Variants in COL4A3 observed in about 807,000 individuals in gnomAD.
COL4A3 encodes collagen type IV alpha 3 chain.
In COL4A3, 135 loss-of-function variants were observed where a neutral mutation model predicts 217.4. The observed-to-expected ratio is 0.62, with a 90% confidence interval of 0.54 to 0.72. The LOEUF (loss-of-function observed/expected upper bound fraction) is 0.72. COL4A3 is among the 30% of genes least tolerant of loss of function. The pLI is 0.00. For synonymous variants in COL4A3, 690 were observed against 736.3 expected (o/e 0.94, Z 1.02); for missense variants, 1,868 against 2,119.9 (o/e 0.88, Z 2.33).
rs1559819723 is a variant in COL4A3 at position 227,202,862 on chromosome 2, CATATATGTGTATATATACATATGTGT to C, written c.88-35089_88-35064del. Among the ~76,000 whole-genome samples, 72 of 17,196 alleles carry C rather than the reference CATATATGTGTATATATACATATGTGT, an allele frequency of 4.2e-3. 2 individuals are homozygous for C. Among genetic ancestry groups the C allele is most frequent in the African/African-American group, 0.024 (68 of 2,858 alleles). 11.3% of individuals were successfully genotyped at this position (17,196 alleles called of 152,430 possible). A position where few individuals can be genotyped will look rare whatever the true frequency, so the allele number is the denominator to read the frequency against. On this transcript the variant is annotated intron_variant, in intron 1 of 51. Transcript: ENST00000396578. ...GTATATATACATATGTGTATATATA[CATATATGTGTATATATACATATGTGT>C]ATATATGTGTATATATGTGTATATA...
intron 1 of COL4A3, 81 bp from the exon 2 acceptor site, chr2:227,237,887 A>G (rs2068786222): frequency 1.0e-6 from 1 of 994,626 alleles, no homozygotes; most frequent in Non-Finnish European, 1.6e-6. Flanking sequence ...AAGAACAGAG[A>G]AATGCATTTG....
At chr2:227,170,780 T>C (rs899592137) in intron 1 of COL4A3, among the ~76,000 whole-genome samples, 1 of 152,210 alleles carries the variant, frequency 6.6e-6, no homozygotes, top group Admixed American at 6.5e-5. Flanking sequence ...TATGATTTTT[T>C]CTGTAGAGTT....
At chr2:227,199,286 T>C (rs10173214) in intron 1 of COL4A3, among the ~76,000 whole-genome samples, 15,216 of 152,242 alleles carry the variant, frequency 0.1, 1,059 homozygotes, top group Admixed American at 0.15. Context: ...TGAATTTCCT[T>C]GTCTATTTCA....
rs1350835100 is a variant in COL4A3 at position 227,293,316 on chromosome 2, AG to A, written c.3337+1del. The A allele has an allele frequency of 5.0e-6, 8 of 1,613,802 alleles. No homozygotes were observed. Among genetic ancestry groups the A allele is most frequent in the Non-Finnish European group, 6.8e-6 (8 of 1,179,984 alleles). On this transcript the variant is annotated frameshift_variant and splice_region_variant, in exon 38 of 52. Transcript: ENST00000396578. LOFTEE classifies it high-confidence loss of function. The stretch of plus-strand genomic sequence containing the variant: ...GAAGTCCTGGAAGTCCTGGCCTCCC[AG>A]GTAAGGCTTGAGTTTACAATTCTAA... ...PGSPGSPGLPGKPGPHGDLGF... is the reference protein window; with the variant it reads ...PGSPGSPGLPXKPGPHGDLGF...
intron 44 of COL4A3, 43 bp from the exon 45 acceptor site, chr2:227,303,816 A>G (rs2073390110): frequency 1.3e-6 from 2 of 1,584,932 alleles, no homozygotes; most frequent in South Asian, 1.1e-5. Flanking sequence ...TAGGAAACCC[A>G]TTGATCTAAG....
At chr2:227,202,956 T>TATGTGTATATATGTGTATATATAC (rs2066809873) in intron 1 of COL4A3, among the ~76,000 whole-genome samples, 1 of 17,598 alleles carries the variant, frequency 5.7e-5, no homozygotes, top group Non-Finnish European at 9.6e-5. Flanking sequence ...TATATATACA[T>TATGTGTATATATGTGTATATATAC]ATATGTGTAT....
chr2:227,188,365 T>A (rs2066108465), intron 1 of COL4A3, among the ~76,000 whole-genome samples: 1 of 152,100 alleles, frequency 6.6e-6, no homozygotes. Flanking sequence ...TATTTAACAC[T>A]GAAAAAGGAC....
chr2:227,199,829 T>TA (rs1305078448), intron 1 of COL4A3, among the ~76,000 whole-genome samples: 1 of 148,018 alleles, frequency 6.8e-6, no homozygotes, highest in East Asian at 1.9e-4. Context: ...TATAAAAATG[T>TA]AAAAACAAAC....
rs77254538 is a variant in COL4A3, at chr2:227,267,746, G to T, written c.1504+658G>T. Among the ~76,000 whole-genome samples the T allele has an allele frequency of 1.2e-3, 184 of 151,226 alleles. 2 individuals are homozygous for T. The East Asian group carries it at 0.032, about 27-fold the overall frequency. On this transcript the variant is annotated intron_variant, in intron 23 of 51. Transcript: ENST00000396578. ...TTGGAATTTTTATTTAAAATCTCATGGTGTTTTTTTAAAAAAATATTAGCC... is the reference window on the plus strand; with the variant it reads ...TTGGAATTTTTATTTAAAATCTCATTGTGTTTTTTTAAAAAAATATTAGCC...
At chr2:227,279,972 C>T in intron 29 of COL4A3, 82 bp downstream of exon 29, 1 of 837,426 alleles carries the variant, frequency 1.2e-6, no homozygotes, top group East Asian at 2.6e-5. Flanking sequence ...TCTGGCAGAG[C>T]ACTCTAGATG....
In COL4A3 at chr2:227,253,596, AG is replaced by A; in HGVS notation, c.725del (p.Gly242GlufsTer5). ...KGLTGPPGPP[G>X]TVIVTLTGPD... ...GGTTAACAGGACCCCCGGGACCACC[AG>A]GAACAGTTATTGTGACCCTAACTGG... On this transcript the variant is annotated frameshift_variant, in exon 13 of 52. Transcript: ENST00000396578. LOFTEE classifies it high-confidence loss of function. This position sits in a 1 kb window ranked among gnomAD's most constrained non-coding sequence, Gnocchi z 4.4. 1 of 1,614,110 alleles carries A rather than the reference AG, an allele frequency of 6.2e-7. No homozygotes were observed. The highest frequency in any genetic ancestry group is 1.7e-5 in the Admixed American group (1 of 60,020).
chr2:227,199,341 T>C (rs1391492106), intron 1 of COL4A3, among the ~76,000 whole-genome samples: 1 of 152,232 alleles, frequency 6.6e-6, no homozygotes, highest in African/African-American at 2.4e-5. Flanking sequence ...TCTCTGATAC[T>C]ACTTGGCAAT....
intron 38 of COL4A3, 123 bp from the exon 39 acceptor site, chr2:227,294,367 A>C: frequency 7.6e-6 from 6 of 793,042 alleles, no homozygotes; most frequent in Non-Finnish European, 1.4e-5. Context: ...ACCTTGCAAC[A>C]AGAGAGCTTC....
rs1023357910 is a variant in COL4A3 at position 227,314,164 on chromosome 2, T to G, written c.*2294T>G. The G allele has an allele frequency of 2.6e-5, 4 of 152,642 alleles. No homozygotes were observed. The highest frequency in any genetic ancestry group is 9.6e-5 in the African/African-American group (4 of 41,456). The allele number at this position is 152,642 out of a possible 1,614,324, so 9.5% of individuals were successfully genotyped here. On this transcript the variant is annotated 3_prime_UTR_variant, in exon 52 of 52. Transcript: ENST00000396578. ...TACTTTTACTCATAAGTAAAAGCCC[T>G]AGACTGGTGCTAATGTCAAACCACT...
At chr2:227,213,350 T>C (rs2067397195) in intron 1 of COL4A3, among the ~76,000 whole-genome samples, 1 of 152,160 alleles carries the variant, frequency 6.6e-6, no homozygotes, top group Non-Finnish European at 1.5e-5. Context: ...GTTGGATGAC[T>C]TTTTTTGGAG....
intron 1 of COL4A3, among the ~76,000 whole-genome samples, chr2:227,205,964 G>A (rs769429820): frequency 6.6e-6 from 1 of 152,158 alleles, no homozygotes; most frequent in East Asian, 1.9e-4. Flanking sequence ...TCTCACCCTG[G>A]ACTCTACAAG....
intron 1 of COL4A3, among the ~76,000 whole-genome samples, chr2:227,208,334 C>T (rs146457597): frequency 1.1e-4 from 16 of 152,100 alleles, no homozygotes; most frequent in Non-Finnish European, 1.5e-4. Flanking sequence ...TTCAAGAGTC[C>T]GAACCTCCCC....
At chr2:227,240,265 A>C (rs769398292) in intron 3 of COL4A3, 33 bp downstream of exon 3, 1 of 1,565,678 alleles carries the variant, frequency 6.4e-7, no homozygotes, top group Non-Finnish European at 8.7e-7. Context: ...AAAATCCCCA[A>C]CCCACCTAAC....
At chr2:227,276,336 G>A (rs767999152) in intron 26 of COL4A3, 49 bp from the exon 27 acceptor site, 16 of 1,341,934 alleles carry the variant, frequency 1.2e-5, no homozygotes, top group Non-Finnish European at 1.7e-5. Flanking sequence ...TATCGTCTAA[G>A]ACAAGCTTCA....
Sources: gnomAD v4.1 joint callset for allele counts (sites outside exome capture counted in the v4.1 genomes callset) on GRCh38, gnomAD v4.1.1 for gene constraint, Gnocchi (gnomAD v3.1) non-coding constraint, MANE v1.5 for transcripts, NCBI Gene and HGNC (gene_info 2026-07-23, HGNC 2026-07-21) for gene names.